LSAMP: variants seen among roughly 807,000 people sequenced by gnomAD.
LSAMP encodes the protein limbic system associated membrane protein, also known as limbic system-associated membrane protein.
Under a neutral mutation model 38.6 loss-of-function variants are expected in LSAMP, and 7 were observed. That is an observed-to-expected ratio of 0.18 (90% CI 0.10 to 0.34). LSAMP has a LOEUF of 0.34. Among genes scored for constraint, LSAMP ranks in the 10% least tolerant of loss-of-function variants. The pLI, the probability that LSAMP is intolerant of heterozygous loss-of-function variation, is 1.00. For missense variants in LSAMP, 313 were observed against 420.0 expected (o/e 0.75, Z 2.23); for synonymous variants, 154 against 166.8 (o/e 0.92, Z 0.59).
chr3:116,276,439 T>A (rs1274295082), intron 1 of LSAMP, among the ~76,000 whole-genome samples: 1 of 152,098 alleles, frequency 6.6e-6, no homozygotes. Context: ...TAAGAAAACA[T>A]TGTATGTTCT....
At chr3:116,233,958 T>G (rs1405351533) in intron 1 of LSAMP, among the ~76,000 whole-genome samples, 1 of 152,228 alleles carries the variant, frequency 6.6e-6, no homozygotes, top group Non-Finnish European at 1.5e-5. Context: ...CTGATTGGTT[T>G]GTAGACTCTC....
At chr3:116,208,040 A>G (rs1342013193) in intron 1 of LSAMP, among the ~76,000 whole-genome samples, 2 of 150,092 alleles carry the variant, frequency 1.3e-5, no homozygotes, top group Non-Finnish European at 3.0e-5. Context: ...AGGTACACCA[A>G]TCAGACGTAG....
intron 4 of LSAMP, among the ~76,000 whole-genome samples, chr3:115,847,645 A>T (rs1476869590): frequency 6.6e-6 from 1 of 152,176 alleles, no homozygotes; most frequent in African/African-American, 2.4e-5. Flanking sequence ...AGTTCTCATG[A>T]GATCTGATGG....
At chr3:115,895,083 A>C (rs966905846) in intron 3 of LSAMP, among the ~76,000 whole-genome samples, 3 of 152,090 alleles carry the variant, frequency 2.0e-5, no homozygotes, top group Non-Finnish European at 4.4e-5. Flanking sequence ...GGCCTGTTAA[A>C]AAATTCTTGC....
In LSAMP at chr3:116,094,189, T is replaced by A. The variant is rs144841059; in HGVS notation, c.156-7633A>T. Among the ~76,000 whole-genome samples the A allele has an allele frequency of 5.1e-4, 78 of 152,330 alleles. 2 individuals are homozygous for A. The East Asian group carries it at 0.014, about 28-fold the overall frequency. ...TGAAGCATCTTTGCTTCATTACCAT[T>A]TTCTAAGATTAGACTCAATTAGAAA... On this transcript the variant is annotated intron_variant, in intron 1 of 6. Coordinates refer to ENST00000490035, the MANE Select transcript of LSAMP (RefSeq NM_002338.5).
intron 1 of LSAMP, among the ~76,000 whole-genome samples, chr3:116,392,822 G>A (rs145754355): frequency 1.3e-5 from 2 of 152,182 alleles, no homozygotes; most frequent in African/African-American, 4.8e-5. Flanking sequence ...AGAGGATAGA[G>A]AGACAATGGG....
chr3:116,258,888 G>A (rs1294679508), intron 1 of LSAMP, among the ~76,000 whole-genome samples: 2 of 151,994 alleles, frequency 1.3e-5, no homozygotes, highest in South Asian at 4.2e-4. Context: ...CTTATCAAAA[G>A]GTTTACGTGT....
intron 1 of LSAMP, among the ~76,000 whole-genome samples, chr3:116,246,439 CAT>C (rs1294888766): frequency 2.6e-4 from 39 of 152,258 alleles, no homozygotes; most frequent in African/African-American, 9.4e-4. Context: ...TGCTTAAATA[CAT>C]GTGATTTAAA....
In LSAMP at chr3:116,265,953, T is replaced by TG. The variant is rs201449777; in HGVS notation, c.155+178923dup. ...TTTTTATCTTTAGTTTAAAAAGTTG[T>TG]GGGGTTTTTTTTTCCCCTTCAATAA... On this transcript the variant is annotated intron_variant, in intron 1 of 6. Transcript: ENST00000490035. 1.1e-3 allele frequency among the ~76,000 whole-genome samples: 102 copies of TG among 96,212 alleles called. 1 individual carries two copies. In the East Asian group the frequency reaches 0.032, roughly 30 times the overall value. 63.1% of individuals were successfully genotyped at this position (96,212 alleles called of 152,430 possible).
At chr3:116,223,294 A>G (rs1349635492) in intron 1 of LSAMP, among the ~76,000 whole-genome samples, 1 of 152,240 alleles carries the variant, frequency 6.6e-6, no homozygotes, top group African/African-American at 2.4e-5. Context: ...CTAAGAAAAG[A>G]CAAAAGTAAT....
intron 3 of LSAMP, among the ~76,000 whole-genome samples, chr3:115,941,253 T>C (rs147925376): frequency 6.6e-6 from 1 of 152,168 alleles, no homozygotes; most frequent in African/African-American, 2.4e-5. Context: ...CTCACACCTA[T>C]GAAGATGGGT....
chr3:116,146,564 G>A (rs1399470580), intron 1 of LSAMP, among the ~76,000 whole-genome samples: 1 of 151,870 alleles, frequency 6.6e-6, no homozygotes, highest in African/African-American at 2.4e-5. Flanking sequence ...ATCTACTTTT[G>A]CTATCACCAT....
chr3:116,151,087 C>A (rs939807129), intron 1 of LSAMP, among the ~76,000 whole-genome samples: 5 of 151,920 alleles, frequency 3.3e-5, no homozygotes, highest in African/African-American at 1.2e-4. Context: ...TTTGCCACAG[C>A]CCATTTTAAA....
intron 1 of LSAMP, among the ~76,000 whole-genome samples, chr3:116,228,764 A>C (rs1369244839): frequency 2.0e-5 from 3 of 152,120 alleles, no homozygotes; most frequent in Non-Finnish European, 4.4e-5. Context: ...TGGGTACTAT[A>C]AGAAAACTAG....
intron 3 of LSAMP, among the ~76,000 whole-genome samples, chr3:116,011,888 T>C (rs1320851175): frequency 6.6e-6 from 1 of 152,202 alleles, no homozygotes; most frequent in African/African-American, 2.4e-5. Flanking sequence ...CCTGGGTACA[T>C]ATCTTGATTC....
chr3:115,860,438 A>ATT (rs1935641227), intron 3 of LSAMP, among the ~76,000 whole-genome samples: 1 of 152,170 alleles, frequency 6.6e-6, no homozygotes, highest in Non-Finnish European at 1.5e-5. Context: ...AATCTGCTTT[A>ATT]TTTCTTTCTT....
intron 3 of LSAMP, among the ~76,000 whole-genome samples, chr3:115,915,079 G>C (rs1210159627): frequency 2.0e-5 from 3 of 152,342 alleles, no homozygotes; most frequent in African/African-American, 7.2e-5. Flanking sequence ...GGTTTGAAAA[G>C]GGATGTCCTC....
chr3:116,012,841 A>G (rs1305867327), intron 3 of LSAMP, among the ~76,000 whole-genome samples: 1 of 152,212 alleles, frequency 6.6e-6, no homozygotes, highest in Non-Finnish European at 1.5e-5. Context: ...CTAATACTGC[A>G]CCAAGAACTT....
chr3:116,098,149 G>A (rs1339258653), intron 1 of LSAMP, among the ~76,000 whole-genome samples: 5 of 152,162 alleles, frequency 3.3e-5, no homozygotes, highest in African/African-American at 1.2e-4. Flanking sequence ...CAAAGGAAAT[G>A]TAGTGGTCTC....
Sources: gnomAD v4.1 joint callset for allele counts (sites outside exome capture counted in the v4.1 genomes callset) on GRCh38, gnomAD v4.1.1 for gene constraint, MANE v1.5 for transcripts, NCBI Gene and HGNC (gene_info 2026-07-23, HGNC 2026-07-21) for gene names.